LAMA3: variants seen among roughly 807,000 people sequenced by gnomAD.
LAMA3 encodes the protein laminin subunit alpha 3.
In LAMA3, 281 loss-of-function variants were observed where a neutral mutation model predicts 402.0. That is an observed-to-expected ratio of 0.70 (90% CI 0.63 to 0.77). The LOEUF (loss-of-function observed/expected upper bound fraction) is 0.77. Among genes scored for constraint, LAMA3 ranks in the 30% least tolerant of loss-of-function variants. LAMA3 has a pLI of 0.00. For missense variants in LAMA3, 3,840 were observed against 4,215.5 expected, an observed-to-expected ratio of 0.91 and a Z score of 2.47; for synonymous variants, 1,431 against 1,558.4, an observed-to-expected ratio of 0.92 and a Z score of 1.93.
chr18:23,941,325 CG>C (rs11347138), intron 68 of LAMA3, among the ~76,000 whole-genome samples: 8,195 of 26,668 alleles, frequency 0.31, 796 homozygotes, highest in African/African-American at 0.39. Context: ...ATCAGCTTGG[CG>C]CCCCCCCCCC....
intron 52 of LAMA3, among the ~76,000 whole-genome samples, chr18:23,906,752 T>C (rs571523871): frequency 3.2e-4 from 49 of 152,230 alleles, no homozygotes; most frequent in Non-Finnish European, 6.6e-4. Context: ...ATAATTTGGA[T>C]TTCCTGGTAT....
At chr18:23,943,418 A>T (rs1154240) in intron 68 of LAMA3, among the ~76,000 whole-genome samples, 148,456 of 152,310 alleles carry the variant, frequency 0.97, 72,460 homozygotes, top group East Asian at 1. Context: ...CACTTAAAAA[A>T]GGTTAAGATG....
chr18:23,881,939 T>C lies in LAMA3; in HGVS notation c.5116T>C (p.Cys1706Arg), dbSNP rs1391387254. ...TGTGCTGTTCACCTGTCCCCAGAAC[T>C]GTCAGCACAACACCGCGGGAGAGCA... ...CQDGSGICVN[C>R]QHNTAGEHCE... is the part of the protein sequence containing the mutation. The change falls in exon 40 of 75, where the codon TGT becomes CGT. Residue 1706 changes from cysteine to arginine, a missense_variant. Around this residue, in one of 3 missense-constraint regions of LAMA3, gnomAD observed 2,109 missense variants for 2,376.0 expected, o/e 0.89. Coordinates refer to ENST00000313654, the MANE Select transcript of LAMA3 (RefSeq NM_198129.4). 1.9e-6 allele frequency: 3 copies of C among 1,610,954 alleles called. No individual in the cohort carries two copies. Among genetic ancestry groups the C allele is most frequent in the Middle Eastern group, 1.6e-4 (1 of 6,078 alleles).
chr18:23,936,082 T>C (rs1194461183), intron 67 of LAMA3, among the ~76,000 whole-genome samples: 4 of 151,982 alleles, frequency 2.6e-5, no homozygotes, highest in Admixed American at 2.6e-4. Context: ...CAGAATCAAA[T>C]GCCAACCTTA....
intron 12 of LAMA3, among the ~76,000 whole-genome samples, chr18:23,787,062 A>G (rs928548126): frequency 1.3e-5 from 2 of 152,186 alleles, no homozygotes; most frequent in African/African-American, 4.8e-5. Context: ...GGGGTGGATC[A>G]CTTGAAGTAA....
intron 2 of LAMA3, among the ~76,000 whole-genome samples, chr18:23,718,506 TAAAC>T (rs1406785292): frequency 6.6e-6 from 1 of 152,138 alleles, no homozygotes; most frequent in African/African-American, 2.4e-5. Flanking sequence ...GTAGTAAAAA[TAAAC>T]AAAGACAATC....
rs2064525589 is a variant in LAMA3, at chr18:23,871,647, G to A, written c.4984G>A (p.Gly1662Ser). The change falls in exon 38 of 75, where the codon GGT becomes AGT. Residue 1662 changes from glycine (G) to serine (S), a missense_variant. Gly to Ser is a moderately conservative substitution (Grantham distance 56, BLOSUM62 0). Transcript: ENST00000313654. ...EICACPPAYAGDSCQGCSPGY... is the reference protein window; with the variant it reads ...EICACPPAYASDSCQGCSPGY... ...CTGTGCCTGCCCCCCTGCCTACGCT[G>A]GTGACTCTTGTCAGGTAGGAAGTTT... 1 of 1,606,824 alleles carries A rather than the reference G, an allele frequency of 6.2e-7. No homozygotes were observed. Among genetic ancestry groups the A allele is most frequent in the Non-Finnish European group, 8.5e-7 (1 of 1,176,386 alleles).
At chr18:23,824,666 A>C in intron 21 of LAMA3, 101 bp downstream of exon 21, 1 of 1,325,702 alleles carries the variant, frequency 7.5e-7, no homozygotes, top group Non-Finnish European at 1.1e-6. Flanking sequence ...AAATATCACA[A>C]TCATTGGTGG....
In LAMA3 at chr18:23,851,759, G is replaced by A. The variant is rs367691059; in HGVS notation, c.4136+4091G>A. On this transcript the variant is annotated intron_variant, in intron 32 of 74. Transcript: ENST00000313654. ...TCCTATTCCACCTTTATTGCAAATC[G>A]ACTCAACCTGGGTTCTCTTATTGAC... 3.5e-4 allele frequency among the ~76,000 whole-genome samples: 53 copies of A among 152,182 alleles called. No individual in the cohort carries two copies. In the South Asian group the frequency reaches 0.01, roughly 30 times the overall value.
chr18:23,916,108 A>G (rs1275601795), intron 59 of LAMA3, among the ~76,000 whole-genome samples: 1 of 151,262 alleles, frequency 6.6e-6, no homozygotes, highest in Non-Finnish European at 1.5e-5. Context: ...CTTTTTTGGT[A>G]CTCTTCCACC....
At chr18:23,802,982 G>C (rs2144206052) in intron 12 of LAMA3, among the ~76,000 whole-genome samples, 1 of 152,232 alleles carries the variant, frequency 6.6e-6, no homozygotes, top group African/African-American at 2.4e-5. Context: ...AGGATGGTGG[G>C]GAAAGTGGTG....
intron 7 of LAMA3, among the ~76,000 whole-genome samples, chr18:23,760,886 T>C (rs1343244807): frequency 6.6e-6 from 1 of 152,090 alleles, no homozygotes; most frequent in Non-Finnish European, 1.5e-5. Context: ...TGTCCTTACG[T>C]GGTGGAACGG....
chr18:23,948,360 G>A (rs1252922241), intron 70 of LAMA3, among the ~76,000 whole-genome samples: 1 of 152,128 alleles, frequency 6.6e-6, no homozygotes, highest in African/African-American at 2.4e-5. Flanking sequence ...TCCGATCAGT[G>A]TCTGCCTCTG....
intron 65 of LAMA3, chr18:23,931,463 T>C (rs2082162016): frequency 9.7e-6 from 4 of 414,114 alleles, no homozygotes; most frequent in African/African-American, 6.0e-5. Flanking sequence ...TCGAGACCAG[T>C]CTTGGAAACA....
At chr18:23,847,401 G>A in intron 31 of LAMA3, 63 bp from the exon 32 acceptor site, 1 of 1,539,186 alleles carries the variant, frequency 6.5e-7, no homozygotes, top group Non-Finnish European at 8.9e-7. Context: ...GCAGTTGGTG[G>A]AGTGCTGCTG....
intron 32 of LAMA3, among the ~76,000 whole-genome samples, chr18:23,853,966 T>C (rs2064004092): frequency 6.6e-6 from 1 of 152,226 alleles, no homozygotes; most frequent in South Asian, 2.1e-4. Flanking sequence ...GATGCATAAC[T>C]CAATTATCTA....
In LAMA3 at chr18:23,837,096, T is replaced by C. The variant is rs1232893757; in HGVS notation, c.3093+7T>C. Reference sequence around the variant, plus strand: ...CATGGCCCGATTCCTTCTGGTATGCTTCTGTTTTGCCCATTGAATTTTAGA... The same window carrying C: ...CATGGCCCGATTCCTTCTGGTATGCCTCTGTTTTGCCCATTGAATTTTAGA... On this transcript the variant is annotated splice_region_variant and intron_variant, in intron 25 of 74. Transcript: ENST00000313654. 1.9e-6 allele frequency: 3 copies of C among 1,582,856 alleles called. No individual in the cohort carries two copies. In the African/African-American group the frequency reaches 4.0e-5, roughly 21 times the overall value.
rs1568109215 is a variant in LAMA3, at chr18:23,717,719, A to ATTTTTTTTTTTTTTTTTTTTTTTTTTT, written c.447+3647_447+3648insTTTTTTTTTTTTTTTTTTTTTTTTTTT. Among the ~76,000 whole-genome samples, 6 of 116,806 alleles carry ATTTTTTTTTTTTTTTTTTTTTTTTTTT rather than the reference A, an allele frequency of 5.1e-5. 3 individuals carry two copies. Among genetic ancestry groups the ATTTTTTTTTTTTTTTTTTTTTTTTTTT allele is most frequent in the African/African-American group, 7.8e-5 (2 of 25,646 alleles). 76.6% of individuals were successfully genotyped at this position (116,806 alleles called of 152,430 possible). ...AGGTGCCCACCACCATGCCTGGCTA[A>ATTTTTTTTTTTTTTTTTTTTTTTTTTT]ATTTTTTTTTTTTTTTTTTTTTTTT... On this transcript the variant is annotated intron_variant, in intron 2 of 74. Transcript: ENST00000313654.
intron 12 of LAMA3, among the ~76,000 whole-genome samples, chr18:23,786,729 A>T (rs1019231551): frequency 1.3e-5 from 2 of 152,256 alleles, no homozygotes; most frequent in Non-Finnish European, 2.9e-5. Flanking sequence ...TAGAAGACTA[A>T]AGGAAATCAT....
Sources: gnomAD v4.1 joint callset for allele counts (sites outside exome capture counted in the v4.1 genomes callset) on GRCh38, gnomAD v4.1.1 for gene constraint, gnomAD v4.1.1 regional missense constraint, MANE v1.5 for transcripts, NCBI Gene and HGNC (gene_info 2026-07-23, HGNC 2026-07-21) for gene names.